CD96: variants seen among roughly 807,000 people sequenced by gnomAD.
CD96 encodes T-cell surface protein tactile.
In CD96, 70 loss-of-function variants were observed where a neutral mutation model predicts 71.3. The ratio of observed to expected loss-of-function variants is 0.98; its 90% CI spans 0.81 to 1.20. The LOEUF (loss-of-function observed/expected upper bound fraction) is 1.20, where lower values mean the gene tolerates loss of function less well. Among genes scored for constraint, CD96 ranks in the 50% most tolerant of loss-of-function variants. The pLI is 0.00. For synonymous variants in CD96, 248 were observed against 233.0 expected (o/e 1.06, Z -0.59); for missense variants, 742 against 677.5 (o/e 1.10, Z -1.06).
At chr3:111,624,668 C>T (rs945714386) in intron 10 of CD96, among the ~76,000 whole-genome samples, 11 of 152,070 alleles carry the variant, frequency 7.2e-5, no homozygotes, top group Admixed American at 1.3e-4. Flanking sequence ...CAGTGGGAAT[C>T]GAGAGTGAAG....
chr3:111,590,757 A>G (rs924110298), intron 5 of CD96, among the ~76,000 whole-genome samples: 2 of 152,200 alleles, frequency 1.3e-5, no homozygotes, highest in Admixed American at 6.5e-5. Context: ...AAAAGATATC[A>G]AGCCAAAGAG....
At chr3:111,638,043 A>T in intron 11 of CD96, 36 bp from the exon 12 acceptor site, 1 of 1,093,104 alleles carries the variant, frequency 9.1e-7, no homozygotes, top group Non-Finnish European at 1.4e-6. Flanking sequence ...GATCAAGTTG[A>T]GATGTCTTGT....
intron 14 of CD96, among the ~76,000 whole-genome samples, chr3:111,663,025 T>C (rs1940393455): frequency 6.6e-6 from 1 of 152,186 alleles, no homozygotes; most frequent in Non-Finnish European, 1.5e-5. Flanking sequence ...TTTAACTGAC[T>C]CGCAATTCCA....
chr3:111,542,221 A>G lies in CD96; in HGVS notation c.-28A>G. The G allele has an allele frequency of 1.2e-6, 2 of 1,603,146 alleles. No homozygotes were observed. The highest frequency in any genetic ancestry group is 1.7e-6 in the Non-Finnish European group (2 of 1,170,042). On this transcript the variant is annotated 5_prime_UTR_variant, in exon 1 of 14. Coordinates refer to ENST00000352690, the MANE Select transcript of CD96 (RefSeq NM_005816.5). The stretch of plus-strand genomic sequence containing the variant: ...CAATTGACTTTGTGATCATTACAGA[A>G]ATGCTGGTGTAAGGTGTTCAGAAGA...
At chr3:111,637,531 CA>C (rs1939388335) in intron 11 of CD96, among the ~76,000 whole-genome samples, 1 of 152,132 alleles carries the variant, frequency 6.6e-6, no homozygotes. Context: ...AAATAAATTT[CA>C]ATTTTTTTAT....
chr3:111,546,773 G>T (rs1934416420), intron 2 of CD96, among the ~76,000 whole-genome samples: 1 of 152,054 alleles, frequency 6.6e-6, no homozygotes, highest in Non-Finnish European at 1.5e-5. Flanking sequence ...TCCTCTCCAT[G>T]TCTTATAACT....
chr3:111,654,075 C>T (rs1489297677), downstream of CD96, among the ~76,000 whole-genome samples: 1 of 152,144 alleles, frequency 6.6e-6, no homozygotes. Context: ...GGCACCCAGA[C>T]TTAGGAGGGT....
At position 111,545,242 on chromosome 3, in the gene CD96, G is replaced by T. The variant is rs764266304; in HGVS notation, c.258G>T (p.Glu86Asp). ...GFYCAYGRPC[E>D]SLVTFTETPE... ...ACTGTGCCTATGGGAGACCCTGTGA[G>T]TCACTTGTGACTTTCACAGAAACTC... The change falls in exon 2 of 14, where the codon GAG becomes GAT. Residue 86 changes from glutamate (E) to aspartate (D), a missense_variant. Transcript: ENST00000352690. 1.9e-6 allele frequency: 3 copies of T among 1,614,186 alleles called. No individual in the cohort carries two copies. Among genetic ancestry groups the T allele is most frequent in the Non-Finnish European group, 2.5e-6 (3 of 1,180,024 alleles).
intron 14 of CD96, among the ~76,000 whole-genome samples, chr3:111,662,657 C>A (rs1323711905): frequency 1.3e-4 from 20 of 152,208 alleles, no homozygotes; most frequent in Admixed American, 1.3e-3. Context: ...AGGCAAAATG[C>A]CACCAGTCTC....
intron 2 of CD96, among the ~76,000 whole-genome samples, chr3:111,560,977 AC>A (rs1380891175): frequency 7.1e-6 from 1 of 140,956 alleles, no homozygotes; most frequent in African/African-American, 2.9e-5. Context: ...CATTGCTGAT[AC>A]CCTTTCTTCC....
chr3:111,590,892 G>T (rs1296741621), intron 5 of CD96, among the ~76,000 whole-genome samples: 1 of 152,068 alleles, frequency 6.6e-6, no homozygotes, highest in East Asian at 1.9e-4. Context: ...TTATGCTTGT[G>T]CTTTATACTT....
At chr3:111,588,625 C>A (rs941143610) in intron 5 of CD96, among the ~76,000 whole-genome samples, 1 of 151,960 alleles carries the variant, frequency 6.6e-6, no homozygotes, top group African/African-American at 2.4e-5. Context: ...AAAGACATAC[C>A]CAAGACTGGG....
At chr3:111,561,984 G>A (rs62275473) in intron 2 of CD96, among the ~76,000 whole-genome samples, 17,886 of 151,230 alleles carry the variant, frequency 0.12, 1,075 homozygotes, top group Non-Finnish European at 0.13. Context: ...AGGTGCGTCC[G>A]TCACCCCTTT....
chr3:111,543,956 C>A (rs1934246457), intron 1 of CD96, among the ~76,000 whole-genome samples: 1 of 152,148 alleles, frequency 6.6e-6, no homozygotes, highest in Admixed American at 6.5e-5. Context: ...GAGTCAGCAG[C>A]CATTTTGGGC....
intron 5 of CD96, among the ~76,000 whole-genome samples, chr3:111,588,506 T>A (rs1414158182): frequency 6.6e-6 from 1 of 152,246 alleles, no homozygotes; most frequent in Non-Finnish European, 1.5e-5. Flanking sequence ...TTCCAACCTC[T>A]GCCTGTTACC....
chr3:111,628,642 A>G (rs1166749788), intron 10 of CD96, among the ~76,000 whole-genome samples: 1 of 152,202 alleles, frequency 6.6e-6, no homozygotes, highest in African/African-American at 2.4e-5. Context: ...AGCCAACATT[A>G]ATTTCAGGAA....
At chr3:111,544,979 G>C in intron 1 of CD96, 67 bp from the exon 2 acceptor site, 3 of 1,352,342 alleles carry the variant, frequency 2.2e-6, no homozygotes, top group Non-Finnish European at 2.1e-6. Flanking sequence ...GAAGTGACTA[G>C]GGTTTTTAAT....
At chr3:111,554,095 C>A (rs755353970) in intron 2 of CD96, among the ~76,000 whole-genome samples, 1 of 151,970 alleles carries the variant, frequency 6.6e-6, no homozygotes, top group Non-Finnish European at 1.5e-5. Flanking sequence ...TGCATGCTTT[C>A]TTTTATGAGC....
intron 3 of CD96, among the ~76,000 whole-genome samples, chr3:111,573,422 A>G (rs1486412643): frequency 6.6e-6 from 1 of 152,204 alleles, no homozygotes; most frequent in African/African-American, 2.4e-5. Context: ...AAATAGTTCA[A>G]TTCCGACTAG....
Sources: gnomAD v4.1 joint callset for allele counts (sites outside exome capture counted in the v4.1 genomes callset) on GRCh38, gnomAD v4.1.1 for gene constraint, MANE v1.5 for transcripts, NCBI Gene and HGNC (gene_info 2026-07-23, HGNC 2026-07-21) for gene names.